The following EP400 variants were observed in gnomAD, a reference collection of about 807,000 sequenced individuals.
EP400 encodes E1A-binding protein p400.
Under a neutral mutation model 354.1 loss-of-function variants are expected in EP400, and 105 were observed. The observed-to-expected ratio is 0.30, with a 90% confidence interval of 0.25 to 0.35. The LOEUF (loss-of-function observed/expected upper bound fraction) is 0.35. Ranked by LOEUF, EP400 falls within the 10% of genes least tolerant of loss-of-function variation. EP400 has a pLI of 1.00. For synonymous variants in EP400, 1,646 were observed against 1,716.9 expected, an observed-to-expected ratio of 0.96 and a Z score of 1.02; for missense variants, 3,280 against 4,121.0, an observed-to-expected ratio of 0.80 and a Z score of 5.59.
chr12:132,038,505 T>A lies in EP400; in HGVS notation c.6207+409T>A, dbSNP rs1894789001. ...CAGCCATGAGTCTGCACTCAGGTGC[T>A]GAGTGTAAGGTGCTGGTTGATTGCA... On this transcript the variant is annotated intron_variant, in intron 32 of 52. Coordinates refer to ENST00000389561, the MANE Select transcript of EP400 (RefSeq NM_015409.5). The surrounding 1 kb of genome is among the most constrained non-coding windows in gnomAD (Gnocchi z 4.2). 6.6e-6 allele frequency among the ~76,000 whole-genome samples: 1 copy of A among 152,244 alleles called. No homozygotes were observed. The highest frequency in any genetic ancestry group is 2.4e-5 in the African/African-American group (1 of 41,456).
In EP400 at chr12:132,050,510, G is replaced by A. The variant is rs118028070; in HGVS notation, c.7337+51G>A. 15,256 of 1,612,856 alleles carry A rather than the reference G, an allele frequency of 9.5e-3. 445 individuals carry two copies. The highest frequency in any genetic ancestry group is 0.082 in the South Asian group (7,428 of 91,044). On this transcript the variant is annotated intron_variant, in intron 40 of 52. Coordinates refer to ENST00000389561, the MANE Select transcript of EP400 (RefSeq NM_015409.5). The surrounding 1 kb of genome is among the most constrained non-coding windows in gnomAD (Gnocchi z 4.8). Reference sequence around the variant, plus strand: ...TGTTCATTATGACTGAGTAGATTGCGTGAAGCTTGGTTTTGATGTGTTTTT... The same window carrying A: ...TGTTCATTATGACTGAGTAGATTGCATGAAGCTTGGTTTTGATGTGTTTTT...
At chr12:132,064,112 G>A (rs933160920) in intron 47 of EP400, among the ~76,000 whole-genome samples, 9 of 146,072 alleles carry the variant, frequency 6.2e-5, no homozygotes, top group South Asian at 2.3e-4. Context: ...CCACACAGGT[G>A]CCTTGTCACC....
intron 12 of EP400, among the ~76,000 whole-genome samples, chr12:132,002,560 A>T (rs951931241): frequency 2.6e-5 from 4 of 152,218 alleles, no homozygotes; most frequent in Non-Finnish European, 5.9e-5. Flanking sequence ...AGGCTGGAGG[A>T]TGCCATTCCA....
At chr12:132,056,642 A>C (rs1389747454) in intron 45 of EP400, among the ~76,000 whole-genome samples, 1 of 152,220 alleles carries the variant, frequency 6.6e-6, no homozygotes. Context: ...ACTGTAAGCC[A>C]AAACAGTAGC....
At position 131,982,285 on chromosome 12, in the gene EP400, A is replaced by T. The variant is rs1294384866; in HGVS notation, c.1736A>T (p.Gln579Leu). 6.2e-7 allele frequency: 1 copy of T among 1,614,204 alleles called. No homozygotes were observed. The highest frequency in any genetic ancestry group is 8.5e-7 in the Non-Finnish European group (1 of 1,180,044). Residue 579 changes from glutamine to leucine, a missense_variant, in exon 5 of 53, where the codon CAG becomes CTG. Around this residue, in one of 20 missense-constraint regions of EP400, gnomAD observed 800 missense variants for 840.0 expected, o/e 0.95. Transcript: ENST00000389561. ...CTCTCCTCTGCGCTGCAGTTTGCAC[A>T]GCAGCCGCAAGTGGTAGAGGCCCAG... ...AALSSALQFA[Q>L]QPQVVEAQTQ...
In EP400 at chr12:131,989,979, G is replaced by A. The variant is rs771506176; in HGVS notation, c.2425G>A (p.Val809Met). ...TATTCACCAGCTCGTTAGAACTGTGGTGCGCCATCACGAGGAGAAGCAGCT... is the reference window on the plus strand; with the variant it reads ...TATTCACCAGCTCGTTAGAACTGTGATGCGCCATCACGAGGAGAAGCAGCT... ...AAAKKLVRTV[V>M]RHHEEKQLRE... Residue 809 changes from valine (V) to methionine (M), a missense_variant, in exon 8 of 53, where the codon GTG (valine) becomes ATG (methionine). By Grantham distance (21) the Val-to-Met change is conservative (BLOSUM62 1). Transcript: ENST00000389561. 2 of 1,613,870 alleles carry A rather than the reference G, an allele frequency of 1.2e-6. No homozygotes were observed. Among genetic ancestry groups the A allele is most frequent in the South Asian group, 1.1e-5 (1 of 90,996 alleles).
At chr12:131,971,550 A>G (rs1892288429) in intron 2 of EP400, among the ~76,000 whole-genome samples, 1 of 152,054 alleles carries the variant, frequency 6.6e-6, no homozygotes, top group South Asian at 2.1e-4. Flanking sequence ...TTTTTGAGGA[A>G]CCTTCATACT....
At chr12:132,004,913 T>C (rs970740067) in intron 12 of EP400, among the ~76,000 whole-genome samples, 164 bp from the exon 13 acceptor site, 3 of 152,214 alleles carry the variant, frequency 2.0e-5, no homozygotes, top group African/African-American at 7.2e-5. Flanking sequence ...TTTTAGACAA[T>C]ATAATCTTTT....
intron 1 of EP400, among the ~76,000 whole-genome samples, chr12:131,951,181 C>T (rs558322975): frequency 6.7e-6 from 1 of 149,744 alleles, no homozygotes; most frequent in Non-Finnish European, 1.5e-5. Flanking sequence ...TCCCAAAGTG[C>T]TGGGACTGAA....
intron 1 of EP400, among the ~76,000 whole-genome samples, chr12:131,960,335 C>T (rs532268831): frequency 2.0e-5 from 3 of 152,294 alleles, no homozygotes; most frequent in South Asian, 2.1e-4. Flanking sequence ...TTGAGGTCAG[C>T]GATGATCGGT....
At chr12:131,966,128 A>G (rs1892070812) in intron 2 of EP400, among the ~76,000 whole-genome samples, 1 of 152,072 alleles carries the variant, frequency 6.6e-6, no homozygotes, top group Non-Finnish European at 1.5e-5. Context: ...AGTGGCACAC[A>G]CCTGTAATCC....
At chr12:131,995,109 A>AC in intron 12 of EP400, 153 bp downstream of exon 12, 1 of 670,400 alleles carries the variant, frequency 1.5e-6, no homozygotes. Flanking sequence ...CTCTCTCCTG[A>AC]CCTGGAGGTC....
At position 132,062,717 on chromosome 12, in the gene EP400, A is replaced by G. The variant is rs1277991306; in HGVS notation, c.8334+16A>G. On this transcript the variant is annotated intron_variant, in intron 47 of 52. Coordinates refer to ENST00000389561, the MANE Select transcript of EP400 (RefSeq NM_015409.5). ...GCTGACGCCGGTGAGCATTTCCCAG[A>G]GGACCATGAACGTGTGCGTCTTGCG... The G allele has an allele frequency of 6.2e-7, 1 of 1,611,972 alleles. No individual in the cohort carries two copies. Among genetic ancestry groups the G allele is most frequent in the Non-Finnish European group, 8.5e-7 (1 of 1,178,092 alleles).
At chr12:131,998,284 T>C (rs1279536635) in intron 12 of EP400, among the ~76,000 whole-genome samples, 1 of 152,202 alleles carries the variant, frequency 6.6e-6, no homozygotes, top group Non-Finnish European at 1.5e-5. Flanking sequence ...AGAAACATGC[T>C]AGAATCAGCT....
intron 2 of EP400, 106 bp from the exon 3 acceptor site, chr12:131,979,585 GTTA>G (rs771455873): frequency 3.7e-5 from 33 of 881,914 alleles, no homozygotes; most frequent in Non-Finnish European, 4.7e-5. Context: ...TAACATTCCT[GTTA>G]TTAGAAAGGA....
At chr12:132,041,783 G>A (rs1039690644) in intron 32 of EP400, among the ~76,000 whole-genome samples, 1 of 152,112 alleles carries the variant, frequency 6.6e-6, no homozygotes. Context: ...TAGCTGCAGG[G>A]CAGAATGTGG....
At chr12:132,022,434 T>C (rs1894149578) in intron 23 of EP400, among the ~76,000 whole-genome samples, 2 of 152,244 alleles carry the variant, frequency 1.3e-5, no homozygotes, top group Non-Finnish European at 1.5e-5. Context: ...TCTCTAGACA[T>C]TTTTCTAGCC....
intron 2 of EP400, among the ~76,000 whole-genome samples, chr12:131,969,607 T>G (rs1257794851): frequency 6.6e-6 from 1 of 152,196 alleles, no homozygotes; most frequent in East Asian, 1.9e-4. Context: ...TGGCACAAAC[T>G]GTTGAAAGTG....
chr12:132,018,255 A>G lies in EP400; in HGVS notation c.4156A>G (p.Ile1386Val), dbSNP rs550770650. The G allele has an allele frequency of 2.5e-5, 40 of 1,613,332 alleles. No homozygotes were observed. The highest frequency in any genetic ancestry group is 3.3e-5 in the Non-Finnish European group (39 of 1,179,850). The change falls in exon 21 of 53, where the codon ATC becomes GTC. Residue 1386 changes from isoleucine to valine, a missense_variant. Physicochemically the swap from Ile to Val is conservative, Grantham distance 29. Coordinates refer to ENST00000389561, the MANE Select transcript of EP400 (RefSeq NM_015409.5). The surrounding 1 kb of genome is among the most constrained non-coding windows in gnomAD (Gnocchi z 4.0). ...MFDLIGLENK[I>V]TRHEAELLSK... ...TGATCTCATCGGCTTAGAAAATAAA[A>G]TCACTCGTCACGAGGCAGAGTTGCT...
Sources: allele counts gnomAD v4.1 joint callset (sites outside exome capture counted in the v4.1 genomes callset), GRCh38; gene constraint gnomAD v4.1.1; regional missense constraint gnomAD v4.1.1; non-coding constraint Gnocchi (gnomAD v3.1); transcripts MANE v1.5; gene names NCBI Gene and HGNC (gene_info 2026-07-23, HGNC 2026-07-21).